The following PTPRG variants were observed in gnomAD, a reference collection of about 807,000 sequenced individuals.
PTPRG encodes receptor-type tyrosine-protein phosphatase gamma.
A neutral mutation model predicts 165.3 loss-of-function variants in PTPRG; 102 were observed. That is an observed-to-expected ratio of 0.62 (90% CI 0.53 to 0.73). The LOEUF (loss-of-function observed/expected upper bound fraction) is 0.73. Ranked by LOEUF, PTPRG falls within the 30% of genes least tolerant of loss-of-function variation. The probability of loss-of-function intolerance (pLI) is 0.00; values close to 1 mark genes in which losing one functional copy is unlikely to be tolerated. For missense variants in PTPRG, 1,866 were observed against 1,861.4 expected, an observed-to-expected ratio of 1.00 and a Z score of -0.05; for synonymous variants, 675 against 669.5, an observed-to-expected ratio of 1.01 and a Z score of -0.13.
chr3:61,576,994 A>G (rs1320198625), intron 1 of PTPRG, among the ~76,000 whole-genome samples: 1 of 152,124 alleles, frequency 6.6e-6, no homozygotes, highest in Non-Finnish European at 1.5e-5. Flanking sequence ...TTAGCTATTT[A>G]AGTAAGTGTT....
At chr3:62,103,879 C>A (rs1357358236) in intron 5 of PTPRG, among the ~76,000 whole-genome samples, 1 of 152,208 alleles carries the variant, frequency 6.6e-6, no homozygotes, top group Non-Finnish European at 1.5e-5. Flanking sequence ...AACCTTTAAG[C>A]AACTTGCATT....
chr3:61,804,691 A>AAT (rs200979619), intron 2 of PTPRG, among the ~76,000 whole-genome samples: 144 of 152,080 alleles, frequency 9.5e-4, no homozygotes, highest in African/African-American at 3.4e-3. Context: ...AAAAAAAAAA[A>AAT]AAAATAAAAT....
chr3:61,898,264 A>C (rs2038413448), intron 2 of PTPRG, among the ~76,000 whole-genome samples: 1 of 152,192 alleles, frequency 6.6e-6, no homozygotes, highest in South Asian at 2.1e-4. Flanking sequence ...TATATTGCCC[A>C]GGCTGGTCTT....
intron 5 of PTPRG, among the ~76,000 whole-genome samples, chr3:62,105,894 ATG>A (rs1702457692): frequency 6.6e-6 from 1 of 152,210 alleles, no homozygotes; most frequent in African/African-American, 2.4e-5. Flanking sequence ...ACATTCCACT[ATG>A]TGCCTAGGGA....
At chr3:62,008,909 G>A (rs1204101687) in intron 4 of PTPRG, among the ~76,000 whole-genome samples, 2 of 152,218 alleles carry the variant, frequency 1.3e-5, no homozygotes, top group Non-Finnish European at 2.9e-5. Context: ...GATCCTAACA[G>A]GCCATGGACT....
chr3:62,162,103 G>A (rs1704787885), intron 7 of PTPRG, among the ~76,000 whole-genome samples: 1 of 151,122 alleles, frequency 6.6e-6, no homozygotes, highest in African/African-American at 2.4e-5. Context: ...CCACAGTGGT[G>A]TCCTGCCCAA....
At chr3:61,986,177 A>G (rs1047775369) in intron 2 of PTPRG, among the ~76,000 whole-genome samples, 1 of 149,990 alleles carries the variant, frequency 6.7e-6, no homozygotes, top group Non-Finnish European at 1.5e-5. Context: ...CCACTCTTTA[A>G]TGTCTTCTTT....
chr3:61,569,260 C>T (rs535143467), intron 1 of PTPRG, among the ~76,000 whole-genome samples: 1 of 152,302 alleles, frequency 6.6e-6, no homozygotes, highest in East Asian at 1.9e-4. Context: ...AATATGGCCT[C>T]TGGAGCCAGC....
intron 5 of PTPRG, among the ~76,000 whole-genome samples, chr3:62,096,653 C>A (rs947592307): frequency 6.6e-6 from 1 of 152,228 alleles, no homozygotes; most frequent in Non-Finnish European, 1.5e-5. Context: ...ATAGATTGAA[C>A]TTCTTGGGGG....
intron 1 of PTPRG, among the ~76,000 whole-genome samples, chr3:61,668,515 C>T (rs7632897): frequency 0.95 from 144,484 of 152,282 alleles, 68,861 homozygotes; most frequent in Non-Finnish European, 1. Flanking sequence ...AGAAAGCAAA[C>T]GGCAGTGTGT....
rs76213286 is a variant in PTPRG at position 61,591,488 on chromosome 3, C to T, written c.85+29116C>T. On this transcript the variant is annotated intron_variant, in intron 1 of 29. Transcript: ENST00000474889. ...CTGGGCCTGCAATGGGTTTTCTTCC[C>T]TCTGTTGTTAAGGGACAGATAAGAT... 5.8e-4 allele frequency among the ~76,000 whole-genome samples: 89 copies of T among 152,304 alleles called. No individual in the cohort carries two copies. In the East Asian group the frequency reaches 0.015, roughly 26 times the overall value.
intron 6 of PTPRG, among the ~76,000 whole-genome samples, chr3:62,132,978 T>TA (rs1189992906): frequency 6.6e-6 from 1 of 152,244 alleles, no homozygotes; most frequent in African/African-American, 2.4e-5. Flanking sequence ...ATATCTCTCC[T>TA]AAAAATATTC....
intron 2 of PTPRG, among the ~76,000 whole-genome samples, chr3:61,781,994 G>A (rs1159100604): frequency 1.3e-5 from 2 of 150,144 alleles, no homozygotes; most frequent in East Asian, 2.0e-4. Context: ...ACCTCCCACC[G>A]ATCTTTTGTT....
intron 2 of PTPRG, among the ~76,000 whole-genome samples, chr3:61,850,680 T>C (rs2036940798): frequency 6.6e-6 from 1 of 152,212 alleles, no homozygotes; most frequent in Non-Finnish European, 1.5e-5. Flanking sequence ...ACTAGATGTT[T>C]ATATTGTTTA....
Position 62,273,518 on chromosome 3 carries a change from A to T in PTPRG, c.3319-180A>T, listed in dbSNP as rs934972094. ...CAGAGCTAAACTTAACACAGTCTCT[A>T]CCGTAAAATAAGTTAAGACTGATAA... On this transcript the variant is annotated intron_variant, in intron 22 of 29. Coordinates refer to ENST00000474889, the MANE Select transcript of PTPRG (RefSeq NM_002841.4). The surrounding 1 kb of genome is among the most constrained non-coding windows in gnomAD (Gnocchi z 4.1). Among the ~76,000 whole-genome samples, 4 of 152,208 alleles carry T rather than the reference A, an allele frequency of 2.6e-5. No homozygotes were observed. Among genetic ancestry groups the T allele is most frequent in the African/African-American group, 9.6e-5 (4 of 41,470 alleles).
chr3:61,960,476 A>G (rs1007148324), intron 2 of PTPRG, among the ~76,000 whole-genome samples: 1 of 152,146 alleles, frequency 6.6e-6, no homozygotes, highest in Non-Finnish European at 1.5e-5. Context: ...ATTTTTCTGC[A>G]TCATTTGATC....
chr3:62,078,076 G>A lies in PTPRG; in HGVS notation c.520-87G>A, dbSNP rs1358012842. On this transcript the variant is annotated intron_variant, in intron 4 of 29. Coordinates refer to ENST00000474889, the MANE Select transcript of PTPRG (RefSeq NM_002841.4). ...TTTGGCAAAATCTTATTAGCAACTG[G>A]GGAATATACATTTATGGTACTATTC... 7 of 837,876 alleles carry A rather than the reference G, an allele frequency of 8.4e-6. No homozygotes were observed. In the East Asian group the frequency reaches 1.1e-4, roughly 14 times the overall value. 51.9% of individuals were successfully genotyped at this position (837,876 alleles called of 1,614,324 possible).
chr3:62,284,968 C>T (rs1384859888), intron 28 of PTPRG, among the ~76,000 whole-genome samples: 1 of 152,150 alleles, frequency 6.6e-6, no homozygotes, highest in Non-Finnish European at 1.5e-5. Flanking sequence ...TCATTCAATA[C>T]ACAGTTCAAA....
At chr3:62,023,995 CA>C (rs2041754620) in intron 4 of PTPRG, among the ~76,000 whole-genome samples, 1 of 151,920 alleles carries the variant, frequency 6.6e-6, no homozygotes, top group Non-Finnish European at 1.5e-5. Context: ...AGAAGAGGTT[CA>C]AAAACAAGAA....
Sources: allele counts gnomAD v4.1 joint callset (sites outside exome capture counted in the v4.1 genomes callset), GRCh38; gene constraint gnomAD v4.1.1; non-coding constraint Gnocchi (gnomAD v3.1); transcripts MANE v1.5; gene names NCBI Gene and HGNC (gene_info 2026-07-23, HGNC 2026-07-21).